CFAP73: variants seen among roughly 807,000 people sequenced by gnomAD.
CFAP73 encodes the protein cilia- and flagella-associated protein 73.
Under a neutral mutation model 42.9 loss-of-function variants are expected in CFAP73, and 33 were observed. The ratio of observed to expected loss-of-function variants is 0.77; its 90% CI spans 0.58 to 1.03. The LOEUF (loss-of-function observed/expected upper bound fraction) is 1.03. Among genes scored for constraint, CFAP73 ranks in the 50% least tolerant of loss-of-function variants. The probability of loss-of-function intolerance (pLI) is 0.00; values close to 1 mark genes in which losing one functional copy is unlikely to be tolerated. For missense variants in CFAP73, 392 were observed against 411.9 expected (o/e 0.95, Z 0.42); for synonymous variants, 162 against 186.8 (o/e 0.87, Z 1.08).
Position 113,154,725 on chromosome 12 carries a change from G to T in CFAP73, c.690+90G>T. On this transcript the variant is annotated intron_variant, in intron 5 of 7. Transcript: ENST00000335621. This position sits in a 1 kb window ranked among gnomAD's most constrained non-coding sequence, Gnocchi z 4.7. The stretch of plus-strand genomic sequence containing the variant: ...CGCCAGGGCTGATGAGGACCGATGG[G>T]GCAATGCTTACCCCAGAGGGTCCGC... 7.3e-7 allele frequency: 1 copy of T among 1,362,350 alleles called. No individual in the cohort carries two copies. Among genetic ancestry groups the T allele is most frequent in the Non-Finnish European group, 9.4e-7 (1 of 1,065,446 alleles). The allele number at this position is 1,362,350 out of a possible 1,614,324, so 84.4% of individuals were successfully genotyped here. A position where few individuals can be genotyped will look rare whatever the true frequency, so the allele number is the denominator to read the frequency against.
At position 113,155,364 on chromosome 12, in the gene CFAP73, T is replaced by A; in HGVS notation, c.795T>A (p.His265Gln). 6.4e-7 allele frequency: 1 copy of A among 1,551,374 alleles called. No individual in the cohort carries two copies. The highest frequency in any genetic ancestry group is 8.7e-7 in the Non-Finnish European group (1 of 1,146,742). Residue 265 changes from histidine (H) to glutamine (Q), a missense_variant, in exon 6 of 8, where the codon CAT becomes CAA. By Grantham distance (24) the His-to-Gln change is conservative. Transcript: ENST00000335621. ...VLNLFQLVCQ[H>Q]QGQPPTLDIE... ...ACCTGTTCCAGCTAGTGTGCCAGCA[T>A]CAGGGGCAGCCTCCCACCCTGGACA...
At chr12:113,153,155 C>A in intron 3 of CFAP73, 53 bp from the exon 4 acceptor site, 6 of 1,425,314 alleles carry the variant, frequency 4.2e-6, no homozygotes, top group East Asian at 2.6e-5. Flanking sequence ...GTGCCGAACT[C>A]CCCGCCAGCT....
At chr12:113,150,452 G>T (rs1316597251) in intron 1 of CFAP73, among the ~76,000 whole-genome samples, 1 of 152,162 alleles carries the variant, frequency 6.6e-6, no homozygotes, top group Non-Finnish European at 1.5e-5. Flanking sequence ...GAGGTCTCAG[G>T]CATCTCGGGC....
intron 2 of CFAP73, 142 bp downstream of exon 2, chr12:113,152,165 A>T: frequency 1.6e-6 from 1 of 637,136 alleles, no homozygotes; most frequent in South Asian, 1.9e-5. Context: ...ATCAAATGAG[A>T]CCAGTTGTTG....
chr12:113,159,188 C>A lies in CFAP73; in HGVS notation c.*499C>A, dbSNP rs1202504430. On this transcript the variant is annotated 3_prime_UTR_variant, in exon 8 of 8. Coordinates refer to ENST00000335621, the MANE Select transcript of CFAP73 (RefSeq NM_001144872.3). Reference sequence around the variant, plus strand: ...CCTCCTCCCAGAAGCTTGCAGACTCCTCCCCTGCCCCTACTCCTGTTCTGT... The same window carrying A: ...CCTCCTCCCAGAAGCTTGCAGACTCATCCCCTGCCCCTACTCCTGTTCTGT... 1.4e-6 allele frequency: 2 copies of A among 1,410,784 alleles called. No individual in the cohort carries two copies. Among genetic ancestry groups the A allele is most frequent in the Admixed American group, 2.1e-5 (1 of 48,578 alleles). The allele number at this position is 1,410,784 out of a possible 1,614,324, so 87.4% of individuals were successfully genotyped here.
chr12:113,154,140 G>A lies in CFAP73; in HGVS notation c.469-274G>A, dbSNP rs1176691992. On this transcript the variant is annotated intron_variant, in intron 4 of 7. Transcript: ENST00000335621. The surrounding 1 kb of genome is among the most constrained non-coding windows in gnomAD (Gnocchi z 4.7). ...TGTCTCTACAAAAAATTAGTCGGGC[G>A]TGGTGGCGTGTGACTATAGTCCCAG... Among the ~76,000 whole-genome samples the A allele has an allele frequency of 6.6e-6, 1 of 152,080 alleles. No homozygotes were observed. The highest frequency in any genetic ancestry group is 1.5e-5 in the Non-Finnish European group (1 of 68,002).
Position 113,149,736 on chromosome 12 carries a change from T to TG in CFAP73, c.-120dup. 2 of 922,794 alleles carry TG rather than the reference T, an allele frequency of 2.2e-6. No homozygotes were observed. Among genetic ancestry groups the TG allele is most frequent in the East Asian group, 2.7e-5 (1 of 37,044 alleles). The allele number at this position is 922,794 out of a possible 1,614,324, so 57.2% of individuals were successfully genotyped here. ...TTGCCAGGCAACCAGAGCCTGCTGG[T>TG]GGCTGCCTTCTGGGCCGAGCTGAGC... is the stretch of plus-strand genomic sequence containing the variant. On this transcript the variant is annotated 5_prime_UTR_variant, in exon 1 of 8. Coordinates refer to ENST00000335621, the MANE Select transcript of CFAP73 (RefSeq NM_001144872.3).
At position 113,157,611 on chromosome 12, in the gene CFAP73, T is replaced by C. The variant is rs1592993569; in HGVS notation, c.859T>C (p.Phe287Leu). The C allele has an allele frequency of 1.9e-6, 3 of 1,551,572 alleles. No homozygotes were observed. The highest frequency in any genetic ancestry group is 2.6e-6 in the Non-Finnish European group (3 of 1,146,994). ...TGCTGGGCCCCCCCAGGTGAAGCTGTTCATGCAGGACCTCTCTGCCATGCT... is the reference window on the plus strand; with the variant it reads ...TGCTGGGCCCCCCCAGGTGAAGCTGCTCATGCAGGACCTCTCTGCCATGCT... ...TEGQLEHVKLFMQDLSAMLAG... is the reference protein window; with the variant it reads ...TEGQLEHVKLLMQDLSAMLAG... Residue 287 changes from phenylalanine (F) to leucine (L), a missense_variant, in exon 7 of 8, where the codon TTC (phenylalanine) becomes CTC (leucine). Transcript: ENST00000335621.
At chr12:113,157,304 GA>G in intron 6 of CFAP73, 1 of 428,672 alleles carries the variant, frequency 2.3e-6, no homozygotes, top group Non-Finnish European at 4.2e-6. Context: ...CCAGTTACAA[GA>G]AAATAAAGCT....
At chr12:113,153,163 G>A in intron 3 of CFAP73, 45 bp from the exon 4 acceptor site, 1 of 1,431,888 alleles carries the variant, frequency 7.0e-7, no homozygotes, top group South Asian at 1.5e-5. Flanking sequence ...CTCCCCGCCA[G>A]CTCCTGAGTC....
At chr12:113,156,431 A>G (rs140219616) in intron 6 of CFAP73, among the ~76,000 whole-genome samples, 1,641 of 151,668 alleles carry the variant, frequency 0.011, 29 homozygotes, top group African/African-American at 0.038. Context: ...GAGTCTGCCA[A>G]TGCTCCCAGC....
Position 113,159,122 on chromosome 12 carries a change from G to A in CFAP73, c.*433G>A, listed in dbSNP as rs758899734. The A allele has an allele frequency of 7.0e-6, 11 of 1,579,778 alleles. No homozygotes were observed. The highest frequency in any genetic ancestry group is 9.4e-6 in the Non-Finnish European group (11 of 1,164,520). The stretch of plus-strand genomic sequence containing the variant: ...GGCCGGGATGCACCTGCTGGGACAG[G>A]GATTCAGGGAGCTCAGCTGTTGGGA... On this transcript the variant is annotated 3_prime_UTR_variant, in exon 8 of 8. Transcript: ENST00000335621.
chr12:113,158,834 AC>A lies in CFAP73; in HGVS notation c.*148del, dbSNP rs762939741. On this transcript the variant is annotated 3_prime_UTR_variant, in exon 8 of 8. Coordinates refer to ENST00000335621, the MANE Select transcript of CFAP73 (RefSeq NM_001144872.3). The surrounding 1 kb of genome is among the most constrained non-coding windows in gnomAD (Gnocchi z 4.9). ...TGCACGGGAACGTCTGCTGATGCCC[AC>A]CCTAAGGCCAATCAAGGAGCCACGG... 1.3e-6 allele frequency: 2 copies of A among 1,537,088 alleles called. No individual in the cohort carries two copies. The highest frequency in any genetic ancestry group is 2.7e-5 in the African/African-American group (2 of 73,090).
intron 6 of CFAP73, among the ~76,000 whole-genome samples, chr12:113,155,772 C>T (rs1434130754): frequency 2.0e-5 from 3 of 152,174 alleles, no homozygotes; most frequent in African/African-American, 7.2e-5. Flanking sequence ...ACAGCCCACA[C>T]GTGTCAACAC....
chr12:113,157,887 G>A (rs79857129), intron 7 of CFAP73, 197 bp downstream of exon 7: 10,116 of 593,160 alleles, frequency 0.017, 304 homozygotes, highest in African/African-American at 0.068. Flanking sequence ...CCCTGATGAG[G>A]AGGTGATGGG....
Position 113,149,927 on chromosome 12 carries a change from AGAGG to A in CFAP73, c.56+24_56+27del. On this transcript the variant is annotated intron_variant, in intron 1 of 7. Coordinates refer to ENST00000335621, the MANE Select transcript of CFAP73 (RefSeq NM_001144872.3). ...GAAACTGTCTACGTGAGTGGGACGTAGAGGGAGGGAGGGCTAGAAGGAGGGCGGG... is the reference window on the plus strand; with the variant it reads ...GAAACTGTCTACGTGAGTGGGACGTAGAGGGAGGGCTAGAAGGAGGGCGGG... 1.3e-6 allele frequency: 2 copies of A among 1,547,606 alleles called. No homozygotes were observed. The highest frequency in any genetic ancestry group is 1.7e-6 in the Non-Finnish European group (2 of 1,143,696).
Position 113,154,754 on chromosome 12 carries a change from A to G in CFAP73, c.690+119A>G. 1 of 1,339,496 alleles carries G rather than the reference A, an allele frequency of 7.5e-7. No individual in the cohort carries two copies. 83.0% of individuals were successfully genotyped at this position (1,339,496 alleles called of 1,614,324 possible). ...ATGCTTACCCCAGAGGGTCCGCTGC[A>G]CTAAGGAGGGGAATCTCAGGCATCA... is the stretch of plus-strand genomic sequence containing the variant. On this transcript the variant is annotated intron_variant, in intron 5 of 7. Transcript: ENST00000335621. The surrounding 1 kb of genome is among the most constrained non-coding windows in gnomAD (Gnocchi z 4.7).
In CFAP73 at chr12:113,155,359, C is replaced by T. The variant is rs1436993934; in HGVS notation, c.790C>T (p.Gln264Ter). 1 of 1,551,488 alleles carries T rather than the reference C, an allele frequency of 6.4e-7. No individual in the cohort carries two copies. Among genetic ancestry groups the T allele is most frequent in the South Asian group, 1.2e-5 (1 of 84,026 alleles). ...GCTCAACCTGTTCCAGCTAGTGTGC[C>T]AGCATCAGGGGCAGCCTCCCACCCT... ...AVLNLFQLVCQHQGQPPTLDI... is the reference protein window; with the variant it reads ...AVLNLFQLVC The change falls in exon 6 of 8, where the codon CAG becomes TAG. Residue 264 changes from glutamine (Q) to a stop codon, truncating the protein, a stop_gained. Transcript: ENST00000335621. LOFTEE classifies it high-confidence loss of function.
Position 113,158,866 on chromosome 12 carries a change from G to A in CFAP73, c.*177G>A. ...GGCCAATCAAGGAGCCACGGGGCTG[G>A]GTCCTGGTCCTCACATCCTCTTCCG... On this transcript the variant is annotated 3_prime_UTR_variant, in exon 8 of 8. Coordinates refer to ENST00000335621, the MANE Select transcript of CFAP73 (RefSeq NM_001144872.3). This position sits in a 1 kb window ranked among gnomAD's most constrained non-coding sequence, Gnocchi z 4.9. 6.3e-7 allele frequency: 1 copy of A among 1,583,046 alleles called. No individual in the cohort carries two copies. Among genetic ancestry groups the A allele is most frequent in the Non-Finnish European group, 8.6e-7 (1 of 1,159,058 alleles).
Sources: allele counts gnomAD v4.1 joint callset (sites outside exome capture counted in the v4.1 genomes callset), GRCh38; gene constraint gnomAD v4.1.1; non-coding constraint Gnocchi (gnomAD v3.1); transcripts MANE v1.5; gene names NCBI Gene and HGNC (gene_info 2026-07-23, HGNC 2026-07-21).